EYS: variants seen among roughly 807,000 people sequenced by gnomAD.
EYS encodes the protein protein eyes shut homolog.
A neutral mutation model predicts 282.1 loss-of-function variants in EYS; 250 were observed. The ratio of observed to expected loss-of-function variants is 0.89; its 90% CI spans 0.80 to 0.98. The LOEUF (loss-of-function observed/expected upper bound fraction) is 0.98. Among genes scored for constraint, EYS ranks in the 50% least tolerant of loss-of-function variants. The pLI, the probability that EYS is intolerant of heterozygous loss-of-function variation, is 0.00. For missense variants in EYS, 4,016 were observed against 3,709.0 expected (o/e 1.08, Z -2.15); for synonymous variants, 1,355 against 1,282.9 (o/e 1.06, Z -1.20).
intron 26 of EYS, among the ~76,000 whole-genome samples, chr6:64,492,688 G>A (rs1000917123): frequency 6.6e-5 from 10 of 151,142 alleles, no homozygotes; most frequent in East Asian, 1.9e-4. Context: ...GAGTTACTTC[G>A]GAGATCTACA....
intron 33 of EYS, among the ~76,000 whole-genome samples, chr6:64,023,858 G>GC (rs1769326764): frequency 6.6e-6 from 1 of 152,206 alleles, no homozygotes; most frequent in African/African-American, 2.4e-5. Flanking sequence ...GGCTCAGTGG[G>GC]CCCCGCACTC....
intron 19 of EYS, among the ~76,000 whole-genome samples, chr6:64,828,774 C>T (rs1445914736): frequency 2.0e-5 from 3 of 151,932 alleles, no homozygotes; most frequent in Non-Finnish European, 2.9e-5. Flanking sequence ...GTACTTCTTT[C>T]GCAACAGAAG....
chr6:63,998,108 C>T (rs1362487330), intron 34 of EYS, among the ~76,000 whole-genome samples: 3 of 152,024 alleles, frequency 2.0e-5, no homozygotes, highest in Admixed American at 6.6e-5. Context: ...CAGTACAGTG[C>T]ATTATAAAGG....
rs540809348 is a variant in EYS at position 64,765,702 on chromosome 6, G to A, written c.3443+47676C>T. 7.2e-5 allele frequency among the ~76,000 whole-genome samples: 11 copies of A among 152,224 alleles called. No homozygotes were observed. In the South Asian group the frequency reaches 1.7e-3, roughly 23 times the overall value. ...GCACCTTCTTCACATGGTGGCAGGA[G>A]AGAAAGAAAGAGCAAGGGAGGAAAT... On this transcript the variant is annotated intron_variant, in intron 22 of 42. Transcript: ENST00000503581.
rs79763841 is a variant in EYS, at chr6:64,746,833, A to G, written c.3443+66545T>C. The stretch of plus-strand genomic sequence containing the variant: ...TGTAGGTTGTCCAATGCCCTTTGGC[A>G]TAGTCATAAATATACATGCAATTTT... On this transcript the variant is annotated intron_variant, in intron 22 of 42. Transcript: ENST00000503581. Among the ~76,000 whole-genome samples the G allele has an allele frequency of 3.0e-4, 45 of 152,364 alleles. 1 individual carries two copies. In the East Asian group the frequency reaches 8.7e-3, roughly 29 times the overall value.
intron 12 of EYS, among the ~76,000 whole-genome samples, chr6:65,059,771 G>A (rs1202530925): frequency 1.3e-5 from 2 of 152,094 alleles, no homozygotes; most frequent in African/African-American, 2.4e-5. Flanking sequence ...TAGTCACACT[G>A]AGGGAAACCT....
chr6:65,282,658 A>AAAAAT (rs1169105738), intron 12 of EYS, among the ~76,000 whole-genome samples: 3 of 151,976 alleles, frequency 2.0e-5, no homozygotes, highest in East Asian at 3.8e-4. Context: ...GAATGAGATA[A>AAAAAT]TACATTTTTA....
In EYS at chr6:63,864,281, T is replaced by C. The variant is rs1477495174; in HGVS notation, c.7133A>G (p.Asn2378Ser). Residue 2378 changes from asparagine to serine, a missense_variant, in exon 36 of 43, where the codon AAC becomes AGC. By Grantham distance (46) the Asn-to-Ser change is conservative. Coordinates refer to ENST00000503581, the MANE Select transcript of EYS (RefSeq NM_001142800.2). ...ACAGGTGGCACCATTTCCACATGGG[T>C]TGTTTTCACAACTTGCAAACTGGCA... ...KLCQFASCEN[N>S]PCGNGATCVP... The C allele has an allele frequency of 1.9e-6, 3 of 1,551,494 alleles. No individual in the cohort carries two copies. The highest frequency in any genetic ancestry group is 2.6e-6 in the Non-Finnish European group (3 of 1,146,912).
chr6:65,434,972 G>C (rs1768020355), intron 5 of EYS, among the ~76,000 whole-genome samples: 1 of 151,602 alleles, frequency 6.6e-6, no homozygotes, highest in Non-Finnish European at 1.5e-5. Context: ...AGAAGGACTA[G>C]TATTCTGCAT....
chr6:64,501,028 G>GT (rs35021721), intron 26 of EYS, among the ~76,000 whole-genome samples: 1,546 of 129,798 alleles, frequency 0.012, 15 homozygotes, highest in Non-Finnish European at 0.015. Flanking sequence ...TTTTGGGAGA[G>GT]TTTTTTTTTT....
At chr6:64,959,159 A>G (rs984771252) in intron 14 of EYS, among the ~76,000 whole-genome samples, 4 of 152,190 alleles carry the variant, frequency 2.6e-5, no homozygotes, top group African/African-American at 9.6e-5. Flanking sequence ...CAATGTAAGA[A>G]TACTTAGAAA....
At chr6:64,433,115 C>T (rs9444828) in intron 28 of EYS, among the ~76,000 whole-genome samples, 62,507 of 151,742 alleles carry the variant, frequency 0.41, 13,931 homozygotes, top group African/African-American at 0.6. Flanking sequence ...TACTTTTTCA[C>T]AGAGCATATT....
In EYS at chr6:64,151,351, A is replaced by G. The variant is rs867178224; in HGVS notation, c.6425-69349T>C. ...TATATATATATATATATATATATAT[A>G]TATATATATATAATTTTTTTTTTCT... is the stretch of plus-strand genomic sequence containing the variant. On this transcript the variant is annotated intron_variant, in intron 31 of 42. Transcript: ENST00000503581. Among the ~76,000 whole-genome samples the G allele has an allele frequency of 1.9e-3, 199 of 104,234 alleles. 2 individuals carry two copies. In the Middle Eastern group the frequency reaches 0.023, roughly 12 times the overall value. 68.4% of individuals were successfully genotyped at this position (104,234 alleles called of 152,430 possible). A position where few individuals can be genotyped will look rare whatever the true frequency, so the allele number is the denominator to read the frequency against.
chr6:65,416,238 T>C (rs1374283368), intron 5 of EYS, among the ~76,000 whole-genome samples: 3 of 151,904 alleles, frequency 2.0e-5, no homozygotes, highest in African/African-American at 7.2e-5. Context: ...AAAGTTTATC[T>C]AAATACAAAA....
chr6:64,304,580 T>A (rs1561919028), intron 30 of EYS, among the ~76,000 whole-genome samples: 1 of 126,286 alleles, frequency 7.9e-6, no homozygotes, highest in Non-Finnish European at 1.7e-5. Context: ...ATATAAATTA[T>A]CTTTTCTGAT....
intron 26 of EYS, among the ~76,000 whole-genome samples, chr6:64,460,189 CATAATT>C (rs1233140351): frequency 6.6e-6 from 1 of 152,028 alleles, no homozygotes; most frequent in African/African-American, 2.4e-5. Context: ...TCTCAATGGG[CATAATT>C]ATAATACACT....
At chr6:64,413,577 C>G (rs1377508705) in intron 28 of EYS, among the ~76,000 whole-genome samples, 3 of 131,786 alleles carry the variant, frequency 2.3e-5, no homozygotes, top group Admixed American at 7.7e-5. Flanking sequence ...AAAAAAAAAC[C>G]TCCCCTCCCA....
chr6:64,805,709 T>A (rs1764401775), intron 22 of EYS, among the ~76,000 whole-genome samples: 1 of 151,074 alleles, frequency 6.6e-6, no homozygotes, highest in Admixed American at 6.6e-5. Flanking sequence ...TTAATAATAT[T>A]TATTTAGTAA....
At chr6:63,814,448 C>T (rs1304846451) in intron 36 of EYS, among the ~76,000 whole-genome samples, 1 of 152,122 alleles carries the variant, frequency 6.6e-6, no homozygotes, top group Non-Finnish European at 1.5e-5. Flanking sequence ...GTTGCCAATT[C>T]CTGCTCATAA....
Sources: gnomAD v4.1 joint callset for allele counts (sites outside exome capture counted in the v4.1 genomes callset) on GRCh38, gnomAD v4.1.1 for gene constraint, MANE v1.5 for transcripts, NCBI Gene and HGNC (gene_info 2026-07-23, HGNC 2026-07-21) for gene names.